The following AFF3 variants were observed in gnomAD, a reference collection of about 807,000 sequenced individuals.
The protein encoded by AFF3 is ALF transcription elongation factor 3, also known as AF4/FMR2 family member 3.
A neutral mutation model predicts 129.7 loss-of-function variants in AFF3; 32 were observed. The ratio of observed to expected loss-of-function variants is 0.25; its 90% confidence interval spans 0.19 to 0.33. The LOEUF (loss-of-function observed/expected upper bound fraction) is 0.33. Ranked by LOEUF, AFF3 falls within the 10% of genes least tolerant of loss-of-function variation. The probability of loss-of-function intolerance (pLI) is 1.00; values close to 1 mark genes in which losing one functional copy is unlikely to be tolerated. For missense variants in AFF3, 1,373 were observed against 1,592.0 expected, an observed-to-expected ratio of 0.86 and a Z score of 2.34; for synonymous variants, 644 against 635.4, an observed-to-expected ratio of 1.01 and a Z score of -0.20.
chr2:99,940,763 C>T (rs775417959), intron 7 of AFF3, among the ~76,000 whole-genome samples: 9 of 152,178 alleles, frequency 5.9e-5, no homozygotes, highest in Non-Finnish European at 1.3e-4. Context: ...TTGCTTTAGC[C>T]TTGCACTTGT....
At chr2:99,837,450 A>G in intron 8 of AFF3, 27 bp downstream of exon 8, 3 of 1,604,998 alleles carry the variant, frequency 1.9e-6, no homozygotes, top group African/African-American at 2.7e-5. Flanking sequence ...CCACAGATTG[A>G]TAAGACTGTT....
chr2:99,639,517 G>A (rs1043819042), intron 13 of AFF3, among the ~76,000 whole-genome samples: 2 of 152,140 alleles, frequency 1.3e-5, no homozygotes, highest in African/African-American at 2.4e-5. Context: ...CACTGCCCCC[G>A]ACAGTTCTCT....
intron 12 of AFF3, among the ~76,000 whole-genome samples, chr2:99,669,697 C>T (rs182191766): frequency 5.3e-5 from 8 of 152,280 alleles, no homozygotes; most frequent in Middle Eastern, 3.4e-3. Flanking sequence ...AGGCTGGGCA[C>T]AGTTGCTCAC....
At chr2:99,957,272 G>T (rs2104274457) in intron 7 of AFF3, among the ~76,000 whole-genome samples, 1 of 152,282 alleles carries the variant, frequency 6.6e-6, no homozygotes, top group South Asian at 2.1e-4. Context: ...AATCTGGGAG[G>T]TCATTCCCCT....
intron 11 of AFF3, among the ~76,000 whole-genome samples, chr2:99,695,520 GA>G (rs1021624221): frequency 2.6e-5 from 4 of 152,060 alleles, no homozygotes; most frequent in Admixed American, 6.6e-5. Context: ...AACTGCAGGG[GA>G]AAAAAATCTG....
chr2:100,082,173 A>T (rs1309287249), intron 4 of AFF3, among the ~76,000 whole-genome samples: 1 of 152,236 alleles, frequency 6.6e-6, no homozygotes, highest in Non-Finnish European at 1.5e-5. Context: ...AATAATTCAG[A>T]TAGTTCTAAA....
At chr2:99,645,222 G>C (rs1684590382) in intron 13 of AFF3, among the ~76,000 whole-genome samples, 1 of 152,090 alleles carries the variant, frequency 6.6e-6, no homozygotes, top group Admixed American at 6.6e-5. Flanking sequence ...CACTGGGCAG[G>C]GCACGGGGAG....
At chr2:99,554,249 C>T in intron 24 of AFF3, 62 bp downstream of exon 24, 3 of 1,569,660 alleles carry the variant, frequency 1.9e-6, no homozygotes, top group Non-Finnish European at 2.6e-6. Context: ...GAGGCCGAGG[C>T]AGAAGAATCG....
intron 13 of AFF3, among the ~76,000 whole-genome samples, chr2:99,620,827 C>G (rs1469670956): frequency 6.6e-6 from 1 of 152,124 alleles, no homozygotes; most frequent in Admixed American, 6.5e-5. Context: ...TATGCAAGAG[C>G]TGGCTGTTTA....
At chr2:99,837,623 T>C in intron 7 of AFF3, 99 bp from the exon 8 acceptor site, 2 of 1,107,418 alleles carry the variant, frequency 1.8e-6, no homozygotes, top group Non-Finnish European at 1.3e-6. Flanking sequence ...ACAAAAAAAT[T>C]CAGCGAGTTA....
At chr2:99,557,279 CTTTTTTTT>C (rs201716560) in intron 22 of AFF3, among the ~76,000 whole-genome samples, 1 of 133,686 alleles carries the variant, frequency 7.5e-6, no homozygotes, top group African/African-American at 2.8e-5. Context: ...TTGTGTTTTC[CTTTTTTTT>C]TTTTTTTTTT....
intron 7 of AFF3, among the ~76,000 whole-genome samples, chr2:99,875,705 T>G (rs575624490): frequency 6.6e-6 from 1 of 152,108 alleles, no homozygotes; most frequent in Non-Finnish European, 1.5e-5. Context: ...GTGGATAAAT[T>G]AGAGAAAGTT....
intron 7 of AFF3, among the ~76,000 whole-genome samples, chr2:99,906,732 A>G (rs1694741826): frequency 6.6e-6 from 1 of 152,022 alleles, no homozygotes; most frequent in African/African-American, 2.4e-5. Flanking sequence ...GTTTCTTTCT[A>G]CACTGCTCTT....
At chr2:99,725,037 C>T (rs1679247867) in intron 11 of AFF3, among the ~76,000 whole-genome samples, 3 of 151,706 alleles carry the variant, frequency 2.0e-5, no homozygotes, top group African/African-American at 4.8e-5. Context: ...GTGGTGCGAT[C>T]TCTGCTCACT....
intron 4 of AFF3, among the ~76,000 whole-genome samples, chr2:100,062,197 A>G (rs983562218): frequency 6.6e-6 from 1 of 152,152 alleles, no homozygotes; most frequent in African/African-American, 2.4e-5. Flanking sequence ...GCTGCGAGCA[A>G]TGTGGGAGCA....
chr2:99,771,344 G>C (rs1008413712), intron 8 of AFF3, among the ~76,000 whole-genome samples: 8 of 151,054 alleles, frequency 5.3e-5, no homozygotes, highest in African/African-American at 2.0e-4. Flanking sequence ...AAACCACCGA[G>C]GTACACGTTA....
intron 4 of AFF3, among the ~76,000 whole-genome samples, chr2:100,045,143 T>C (rs1430515984): frequency 6.6e-6 from 1 of 151,212 alleles, no homozygotes; most frequent in East Asian, 1.9e-4. Context: ...GGACTGGCCA[T>C]GGCAACAGAG....
intron 7 of AFF3, among the ~76,000 whole-genome samples, chr2:99,917,472 C>T (rs1015896837): frequency 6.6e-6 from 1 of 152,126 alleles, no homozygotes; most frequent in Non-Finnish European, 1.5e-5. Context: ...TGGATTCTAC[C>T]CCTTTTTGTG....
intron 7 of AFF3, among the ~76,000 whole-genome samples, chr2:99,903,474 A>G (rs1452780861): frequency 6.6e-6 from 1 of 152,180 alleles, no homozygotes; most frequent in Non-Finnish European, 1.5e-5. Flanking sequence ...GGCACTGATC[A>G]AACGTTTTAA....
Sources: allele counts gnomAD v4.1 joint callset (sites outside exome capture counted in the v4.1 genomes callset), GRCh38; gene constraint gnomAD v4.1.1; transcripts MANE v1.5; gene names NCBI Gene and HGNC (gene_info 2026-07-23, HGNC 2026-07-21).